NCOR1: variants seen among roughly 807,000 people sequenced by gnomAD.
NCOR1 encodes nuclear receptor corepressor 1.
NCOR1 carries 63 observed loss-of-function variants against 288.1 expected under a neutral mutation model. The observed-to-expected ratio is 0.22, with a 90% CI of 0.18 to 0.27. The LOEUF is 0.27. Among genes scored for constraint, NCOR1 ranks in the 10% least tolerant of loss-of-function variants. The pLI, the probability that NCOR1 is intolerant of heterozygous loss-of-function variation, is 1.00. For synonymous variants in NCOR1, 1,007 were observed against 1,065.9 expected (o/e 0.94, Z 1.08); for missense variants, 2,397 against 3,019.2 (o/e 0.79, Z 4.83).
At chr17:16,051,112 T>C (rs1461423661) in intron 40 of NCOR1, among the ~76,000 whole-genome samples, 2 of 152,202 alleles carry the variant, frequency 1.3e-5, no homozygotes, top group Non-Finnish European at 2.9e-5. Flanking sequence ...GCACTGAAAT[T>C]ACAGGTGTCA....
chr17:16,034,183 T>A (rs1973425851), intron 45 of NCOR1, among the ~76,000 whole-genome samples: 1 of 152,236 alleles, frequency 6.6e-6, no homozygotes. Context: ...CAATGTTCGC[T>A]ACCAGTGTAA....
At chr17:16,166,165 T>C (rs1343111048) in intron 4 of NCOR1, among the ~76,000 whole-genome samples, 1 of 152,160 alleles carries the variant, frequency 6.6e-6, no homozygotes, top group Non-Finnish European at 1.5e-5. Context: ...GAAAATAAGA[T>C]TATGGCTATA....
At position 16,061,557 on chromosome 17, in the gene NCOR1, G is replaced by C. The variant is rs754398337; in HGVS notation, c.5725C>G (p.Pro1909Ala). ...VYSEAGKDKG[P>A]PPKSRYEEEL... is the part of the protein sequence containing the mutation. Reference sequence around the variant, plus strand: ...TCCTCATATCTGGATTTTGGAGGAGGCCCTTTATCTTTCCCAGCCTCAGAA... The same window carrying C: ...TCCTCATATCTGGATTTTGGAGGAGCCCCTTTATCTTTCCCAGCCTCAGAA... Residue 1909 changes from proline (P) to alanine (A), a missense_variant, in exon 37 of 46, where the codon CCT becomes GCT. Physicochemically the swap from Pro to Ala is conservative, Grantham distance 27 (BLOSUM62 -1). Coordinates refer to ENST00000268712, the MANE Select transcript of NCOR1 (RefSeq NM_006311.4). 2.5e-6 allele frequency: 4 copies of C among 1,614,076 alleles called. No individual in the cohort carries two copies. Among genetic ancestry groups the C allele is most frequent in the African/African-American group, 1.3e-5 (1 of 74,916 alleles).
intron 3 of NCOR1, among the ~76,000 whole-genome samples, chr17:16,173,700 C>T (rs1330327808): frequency 6.6e-6 from 1 of 152,098 alleles, no homozygotes; most frequent in Non-Finnish European, 1.5e-5. Context: ...GAGGCCGGGG[C>T]GTGTGGATCA....
In NCOR1 at chr17:16,061,761, C is replaced by G; in HGVS notation, c.5521G>C (p.Glu1841Gln). Reference protein sequence around the residue: ...APQMDVSKTKESKHEAARLEE... With the variant: ...APQMDVSKTKQSKHEAARLEE... ...AACCTGGCAGCTTCATGCTTACTCT[C>G]TTTTGTTTTGGACACATCCATCTGG... is the stretch of plus-strand genomic sequence containing the variant. The change falls in exon 37 of 46, where the codon GAG becomes CAG. Residue 1841 changes from glutamate to glutamine, a missense_variant. Transcript: ENST00000268712. 1 of 1,614,268 alleles carries G rather than the reference C, an allele frequency of 6.2e-7. No homozygotes were observed. Among genetic ancestry groups the G allele is most frequent in the South Asian group, 1.1e-5 (1 of 91,090 alleles).
rs1233666669 is a variant in NCOR1 at position 16,127,090 on chromosome 17, T to G, written c.1510-884A>C. Among the ~76,000 whole-genome samples, 5 of 146,466 alleles carry G rather than the reference T, an allele frequency of 3.4e-5. No homozygotes were observed. In the East Asian group the frequency reaches 9.7e-4, roughly 28 times the overall value. ...CTGTGCCTAATATACAAATCAAAGT[T>G]TATCATAGGTGTGTGTGTGTATATG... On this transcript the variant is annotated intron_variant, in intron 14 of 45. Transcript: ENST00000268712.
intron 3 of NCOR1, among the ~76,000 whole-genome samples, chr17:16,179,351 T>C (rs1257071247): frequency 1.3e-5 from 2 of 152,084 alleles, no homozygotes; most frequent in African/African-American, 4.8e-5. Context: ...TATATGTCAA[T>C]AAATTGGATA....
At chr17:16,125,926 T>A (rs1237694403) in intron 15 of NCOR1, among the ~76,000 whole-genome samples, 156 bp downstream of exon 15, 1 of 151,942 alleles carries the variant, frequency 6.6e-6, no homozygotes, top group African/African-American at 2.4e-5. Flanking sequence ...GTATAATGGG[T>A]ATAATGTACA....
intron 37 of NCOR1, among the ~76,000 whole-genome samples, chr17:16,059,183 T>C (rs1368206366): frequency 2.0e-5 from 3 of 151,916 alleles, no homozygotes; most frequent in Non-Finnish European, 4.4e-5. Context: ...GAAACATTTA[T>C]GGAAGAGGTT....
intron 21 of NCOR1, among the ~76,000 whole-genome samples, chr17:16,095,523 A>G (rs8080378): frequency 0.55 from 64,008 of 116,820 alleles, 17,327 homozygotes; most frequent in Middle Eastern, 0.66. Context: ...CAGCCGCCCC[A>G]TCCGGGAGGG....
chr17:16,135,195 C>T (rs1359741507), intron 14 of NCOR1, among the ~76,000 whole-genome samples: 1 of 143,120 alleles, frequency 7.0e-6, no homozygotes, highest in Non-Finnish European at 1.5e-5. Flanking sequence ...GTAGCTGAAA[C>T]TTGTTTAAAA....
chr17:16,137,101 A>G (rs919484122), intron 14 of NCOR1, among the ~76,000 whole-genome samples: 5 of 152,158 alleles, frequency 3.3e-5, no homozygotes, highest in Non-Finnish European at 4.4e-5. Context: ...TAATTTTATC[A>G]TAGTAGAAAC....
At chr17:16,154,406 C>A (rs2079377314) in intron 6 of NCOR1, among the ~76,000 whole-genome samples, 3 of 152,138 alleles carry the variant, frequency 2.0e-5, no homozygotes, top group African/African-American at 7.2e-5. Flanking sequence ...TCACTAGACA[C>A]TAAGAAAATA....
chr17:16,132,531 C>T (rs182397417), intron 14 of NCOR1, among the ~76,000 whole-genome samples: 1 of 152,216 alleles, frequency 6.6e-6, no homozygotes, highest in Non-Finnish European at 1.5e-5. Flanking sequence ...ACCACACTCA[C>T]TCTCCATGGA....
intron 27 of NCOR1, among the ~76,000 whole-genome samples, chr17:16,073,787 G>A (rs2062040932): frequency 6.6e-6 from 1 of 152,160 alleles, no homozygotes; most frequent in South Asian, 2.1e-4. Flanking sequence ...AGGCTTGCAG[G>A]TAAGATTAAC....
At chr17:16,181,695 C>T (rs2085521158) in intron 3 of NCOR1, among the ~76,000 whole-genome samples, 1 of 152,014 alleles carries the variant, frequency 6.6e-6, no homozygotes, top group African/African-American at 2.4e-5. Context: ...CTCAAATATA[C>T]ATAATAAAAT....
At chr17:16,199,407 C>T (rs1161656453) in intron 1 of NCOR1, among the ~76,000 whole-genome samples, 1 of 152,036 alleles carries the variant, frequency 6.6e-6, no homozygotes, top group Non-Finnish European at 1.5e-5. Flanking sequence ...TGTTTTTTAA[C>T]CAGAATGTTT....
At chr17:16,136,874 AT>A (rs1268722360) in intron 14 of NCOR1, among the ~76,000 whole-genome samples, 1 of 151,800 alleles carries the variant, frequency 6.6e-6, no homozygotes, top group Non-Finnish European at 1.5e-5. Context: ...TGAAGTTAAT[AT>A]GAAACAAAAT....
At chr17:16,152,099 G>GACCACCGA in intron 7 of NCOR1, 101 bp from the exon 8 acceptor site, 1 of 542,862 alleles carries the variant, frequency 1.8e-6, no homozygotes, top group South Asian at 4.3e-5. Flanking sequence ...AAGTACTAAT[G>GACCACCGA]GATCTACACA....
Sources: allele counts gnomAD v4.1 joint callset (sites outside exome capture counted in the v4.1 genomes callset), GRCh38; gene constraint gnomAD v4.1.1; transcripts MANE v1.5; gene names NCBI Gene and HGNC (gene_info 2026-07-23, HGNC 2026-07-21).